The following SLC38A12 variants were observed in gnomAD, a reference collection of about 807,000 sequenced individuals.
SLC38A12 encodes the protein solute carrier family 38 member 12.
the SLC38A12 span, among the ~76,000 whole-genome samples, chr17:74,806,026 G>T: frequency 6.6e-6 from 1 of 152,220 alleles, no homozygotes; most frequent in Non-Finnish European, 1.5e-5. Context: ...AGGCCCATGG[G>T]CACACACATC....
chr17:74,783,721 C>CTTTTTT, the SLC38A12 span, among the ~76,000 whole-genome samples: 21 of 104,000 alleles, frequency 2.0e-4, no homozygotes, highest in East Asian at 7.8e-4. Flanking sequence ...CATGCTTTTT[C>CTTTTTT]TTTTTTTTTT....
the SLC38A12 span, among the ~76,000 whole-genome samples, chr17:74,818,683 C>T: frequency 1.3e-5 from 2 of 152,210 alleles, no homozygotes; most frequent in Non-Finnish European, 2.9e-5. Flanking sequence ...TTCAGGCTTC[C>T]GAGCCGCCTG....
At chr17:74,778,419 G>A in the SLC38A12 span, among the ~76,000 whole-genome samples, 76,485 of 151,914 alleles carry the variant, frequency 0.5, 20,113 homozygotes, top group Non-Finnish European at 0.59. Flanking sequence ...GCCCTGCCTT[G>A]TACATAGCTT....
At chr17:74,795,671 G>C in the SLC38A12 span, 1 of 1,525,562 alleles carries the variant, frequency 6.6e-7, no homozygotes, top group South Asian at 1.1e-5. Flanking sequence ...CCCCAGCCCA[G>C]CCTGCACAGC....
chr17:74,837,446 C>T, the SLC38A12 span: 1 of 985,566 alleles, frequency 1.0e-6, no homozygotes, highest in African/African-American at 1.7e-5. Flanking sequence ...GTCTGCTGCC[C>T]TCGCTGCCCC....
the SLC38A12 span, among the ~76,000 whole-genome samples, chr17:74,812,904 G>A: frequency 6.6e-6 from 1 of 152,206 alleles, no homozygotes; most frequent in Non-Finnish European, 1.5e-5. Flanking sequence ...GCTGACAGCT[G>A]GAGTGAAGAG....
At chr17:74,802,050 G>A in the SLC38A12 span, among the ~76,000 whole-genome samples, 6 of 152,038 alleles carry the variant, frequency 3.9e-5, no homozygotes, top group African/African-American at 1.5e-4. Flanking sequence ...TCTTCCCGGA[G>A]TTGCTCCAGC....
At chr17:74,803,858 A>G in the SLC38A12 span, among the ~76,000 whole-genome samples, 3 of 152,248 alleles carry the variant, frequency 2.0e-5, no homozygotes, top group Non-Finnish European at 2.9e-5. Flanking sequence ...TGTTAAGAGT[A>G]CATCCCAGTT....
At chr17:74,818,519 G>A in the SLC38A12 span, among the ~76,000 whole-genome samples, 1 of 148,332 alleles carries the variant, frequency 6.7e-6, no homozygotes, top group East Asian at 2.1e-4. Flanking sequence ...GGCCAGAGGT[G>A]GGGGGCGGGG....
chr17:74,836,790 G>T, the SLC38A12 span: 1 of 1,469,102 alleles, frequency 6.8e-7, no homozygotes, highest in African/African-American at 1.4e-5. The surrounding 1 kb of genome is among the most constrained non-coding windows in gnomAD (Gnocchi z 4.2). Flanking sequence ...CATGGGGCAG[G>T]TGGGACTGTG....
At chr17:74,814,979 A>C in the SLC38A12 span, among the ~76,000 whole-genome samples, 1 of 152,280 alleles carries the variant, frequency 6.6e-6, no homozygotes, top group Non-Finnish European at 1.5e-5. Flanking sequence ...TGTAGAGGAG[A>C]TTGGCACTTG....
At chr17:74,830,105 A>T in the SLC38A12 span, among the ~76,000 whole-genome samples, 2 of 151,614 alleles carry the variant, frequency 1.3e-5, no homozygotes, top group Non-Finnish European at 2.9e-5. Flanking sequence ...GGACTCCCCG[A>T]ACATGAGCAT....
chr17:74,805,400 C>T, the SLC38A12 span, among the ~76,000 whole-genome samples: 1 of 152,194 alleles, frequency 6.6e-6, no homozygotes, highest in African/African-American at 2.4e-5. The surrounding 1 kb of genome is among the most constrained non-coding windows in gnomAD (Gnocchi z 5.0). Context: ...CTCCCATGTC[C>T]CTAGCGGGTG....
the SLC38A12 span, among the ~76,000 whole-genome samples, chr17:74,804,773 G>C: frequency 1.3e-5 from 2 of 152,238 alleles, no homozygotes. Flanking sequence ...CTGGTATTGG[G>C]TGTTGGGCAC....
the SLC38A12 span, among the ~76,000 whole-genome samples, chr17:74,833,066 C>G: frequency 6.6e-6 from 1 of 152,216 alleles, no homozygotes; most frequent in South Asian, 2.1e-4. Flanking sequence ...CCCTGTTGCC[C>G]AGGCTGAAGT....
At chr17:74,826,919 C>A in the SLC38A12 span, among the ~76,000 whole-genome samples, 1 of 152,280 alleles carries the variant, frequency 6.6e-6, no homozygotes, top group Admixed American at 6.5e-5. Context: ...CTCTGGTTGG[C>A]AGAGCAGGGG....
the SLC38A12 span, among the ~76,000 whole-genome samples, chr17:74,820,561 G>T: frequency 6.6e-6 from 1 of 152,236 alleles, no homozygotes; most frequent in Admixed American, 6.5e-5. Context: ...GCCCTCTGTG[G>T]CCAGCACGGC....
At chr17:74,814,348 G>A in the SLC38A12 span, among the ~76,000 whole-genome samples, 8 of 151,600 alleles carry the variant, frequency 5.3e-5, no homozygotes. Flanking sequence ...GGGGAGCCGG[G>A]CACCCCAGGC....
At chr17:74,819,824 C>T in the SLC38A12 span, 1 of 1,614,160 alleles carries the variant, frequency 6.2e-7, no homozygotes, top group Non-Finnish European at 8.5e-7. Flanking sequence ...AGATCCTGAC[C>T]TCTCTGATGA....
Sources: gnomAD v4.1 joint callset for allele counts (sites outside exome capture counted in the v4.1 genomes callset) on GRCh38, gnomAD v4.1.1 for gene constraint, Gnocchi (gnomAD v3.1) non-coding constraint, MANE v1.5 for transcripts, NCBI Gene and HGNC (gene_info 2026-07-23, HGNC 2026-07-21) for gene names.